CC2D1B: variants seen among roughly 807,000 people sequenced by gnomAD.
CC2D1B encodes coiled-coil and C2 domain containing 1B, also known as coiled-coil and C2 domain-containing protein 1B.
A neutral mutation model predicts 110.8 loss-of-function variants in CC2D1B; 92 were observed. That is an observed-to-expected ratio of 0.83 (90% CI 0.70 to 0.99). The LOEUF (loss-of-function observed/expected upper bound fraction) is 0.99. Ranked by LOEUF, CC2D1B falls within the 50% of genes least tolerant of loss-of-function variation. The pLI is 0.00. For synonymous variants in CC2D1B, 406 were observed against 429.2 expected (o/e 0.95, Z 0.67); for missense variants, 1,136 against 1,089.0 (o/e 1.04, Z -0.61).
At chr1:52,353,496 G>C (rs201374933) in intron 24 of CC2D1B, 22 bp downstream of exon 24, 648 of 1,595,566 alleles carry the variant, frequency 4.1e-4, no homozygotes, top group Non-Finnish European at 5.0e-4. Flanking sequence ...CAAAGGTTCT[G>C]AAGGCCCAGA....
Position 52,355,937 on chromosome 1 carries a change from G to A in CC2D1B, c.2055-93C>T, listed in dbSNP as rs1569835084. 16 of 1,292,830 alleles carry A rather than the reference G, an allele frequency of 1.2e-5. No homozygotes were observed. In the East Asian group the frequency reaches 3.7e-4, roughly 30 times the overall value. 80.1% of individuals were successfully genotyped at this position (1,292,830 alleles called of 1,614,324 possible). On this transcript the variant is annotated intron_variant, in intron 18 of 24. Transcript: ENST00000284376. ...CCAGGGCCTGTCTGCCCAGCTGGGTGGTGACGGGAGGGAAGGCAGAGCTGG... is the reference window on the plus strand; with the variant it reads ...CCAGGGCCTGTCTGCCCAGCTGGGTAGTGACGGGAGGGAAGGCAGAGCTGG...
chr1:52,356,811 G>A (rs891364825), intron 16 of CC2D1B, 190 bp downstream of exon 16: 2 of 641,368 alleles, frequency 3.1e-6, no homozygotes, highest in East Asian at 5.5e-5. Flanking sequence ...CCTGAAAGGG[G>A]TATTATCACC....
At position 52,358,675 on chromosome 1, in the gene CC2D1B, G is replaced by A. The variant is rs200853117; in HGVS notation, c.1330+11C>T. The A allele has an allele frequency of 1.5e-4, 238 of 1,612,522 alleles. No individual in the cohort carries two copies. Among genetic ancestry groups the A allele is most frequent in the Non-Finnish European group, 2.0e-4 (231 of 1,179,222 alleles). ...CCTCCTCACAGAGCCCCTAGGCCAT[G>A]CCCCACTTACCTGGAGGAACAGGCA... is the stretch of plus-strand genomic sequence containing the variant. On this transcript the variant is annotated intron_variant, in intron 12 of 24. Transcript: ENST00000284376.
chr1:52,356,085 A>AG, intron 18 of CC2D1B, 101 bp downstream of exon 18: 1 of 1,106,832 alleles, frequency 9.0e-7, no homozygotes, highest in South Asian at 1.4e-5. Flanking sequence ...CAGCGGGGCC[A>AG]GGCTTGGGAA....
At chr1:52,360,332 T>C in intron 6 of CC2D1B, 92 bp downstream of exon 6, 2 of 1,592,922 alleles carry the variant, frequency 1.3e-6, no homozygotes, top group Non-Finnish European at 1.7e-6. Context: ...CAAAGTCTGG[T>C]GGGGTGACCT....
At chr1:52,365,093 G>C (rs114493080) in intron 1 of CC2D1B, among the ~76,000 whole-genome samples, 79 of 152,360 alleles carry the variant, frequency 5.2e-4, no homozygotes, top group Non-Finnish European at 8.7e-4. Flanking sequence ...CACACACACA[G>C]AACATTTTCA....
rs1646665357 is a variant in CC2D1B at position 52,356,945 on chromosome 1, C to T, written c.1878+56G>A. 5 of 1,515,486 alleles carry T rather than the reference C, an allele frequency of 3.3e-6. No homozygotes were observed. In the South Asian group the frequency reaches 6.2e-5, roughly 19 times the overall value. 93.9% of individuals were successfully genotyped at this position (1,515,486 alleles called of 1,614,324 possible). On this transcript the variant is annotated intron_variant, in intron 16 of 24. Transcript: ENST00000284376. ...CTGTGTGGTCTGAGCTCCAGGTCTT[C>T]CTCCACGGGGAGGCTGTGGGCACAG... is the stretch of plus-strand genomic sequence containing the variant.
Position 52,350,675 on chromosome 1 carries a change from A to T in CC2D1B, c.*2550T>A, listed in dbSNP as rs2147885279. 6.6e-6 allele frequency: 1 copy of T among 152,318 alleles called. No individual in the cohort carries two copies. The highest frequency in any genetic ancestry group is 3.4e-3 in the Middle Eastern group (1 of 294). The allele number at this position is 152,318 out of a possible 1,614,324, so 9.4% of individuals were successfully genotyped here. The stretch of plus-strand genomic sequence containing the variant: ...ATTGCATGAGATCAAAGAATTGAAA[A>T]TTTTAAAATGATTTGGGTTGTAGCT... On this transcript the variant is annotated 3_prime_UTR_variant, in exon 25 of 25. Transcript: ENST00000284376.
intron 18 of CC2D1B, 71 bp downstream of exon 18, chr1:52,356,115 A>G: frequency 7.6e-7 from 1 of 1,324,206 alleles, no homozygotes; most frequent in Non-Finnish European, 1.1e-6. Flanking sequence ...AAGGGGTAGC[A>G]GTCTCTGGCC....
intron 12 of CC2D1B, 82 bp from the exon 13 acceptor site, chr1:52,358,543 G>A: frequency 6.2e-7 from 1 of 1,601,612 alleles, no homozygotes; most frequent in Non-Finnish European, 8.5e-7. Context: ...TCTGGGGCAT[G>A]GCTCTGCTGG....
At chr1:52,355,697 G>T in intron 19 of CC2D1B, 31 bp from the exon 20 acceptor site, 2 of 1,614,070 alleles carry the variant, frequency 1.2e-6, no homozygotes, top group Non-Finnish European at 1.7e-6. Flanking sequence ...TCAAGTCAGA[G>T]GGAGTGGCCA....
chr1:52,365,959 A>AC (rs1646872567), intron 1 of CC2D1B, 110 bp downstream of exon 1: 1 of 152,086 alleles, frequency 6.6e-6, no homozygotes, highest in Admixed American at 6.6e-5. Flanking sequence ...GCGACACGGG[A>AC]CCCCCACTCC....
At chr1:52,356,149 C>T in intron 18 of CC2D1B, 37 bp downstream of exon 18, 1 of 1,550,306 alleles carries the variant, frequency 6.5e-7, no homozygotes, top group Non-Finnish European at 8.9e-7. Context: ...TCCTGCCCCT[C>T]CCTGCCTGGA....
intron 17 of CC2D1B, 35 bp from the exon 18 acceptor site, chr1:52,356,337 T>G: frequency 6.2e-7 from 1 of 1,613,914 alleles, no homozygotes; most frequent in Non-Finnish European, 8.5e-7. Context: ...TGATGGTGGA[T>G]TTTCTGCTCC....
At position 52,357,579 on chromosome 1, in the gene CC2D1B, G is replaced by A; in HGVS notation, c.1699C>T (p.Leu567Phe). The A allele has an allele frequency of 6.3e-7, 1 of 1,585,348 alleles. No individual in the cohort carries two copies. Among genetic ancestry groups the A allele is most frequent in the Non-Finnish European group, 8.6e-7 (1 of 1,164,432 alleles). ...CGGGCCTGGATGATCTGAGCCTCAA[G>A]CCATTTGGCTACCCGCAGATAGGCT... ...AKAYLRVAKWLEAQIIQARSG... is the reference protein window; with the variant it reads ...AKAYLRVAKWFEAQIIQARSG... Residue 567 changes from leucine to phenylalanine, a missense_variant, in exon 15 of 25, where the codon CTT becomes TTT. Physicochemically the swap from Leu to Phe is conservative, Grantham distance 22. Transcript: ENST00000284376.
rs376510066 is a variant in CC2D1B at position 52,354,965 on chromosome 1, G to C, written c.2240-26C>G. On this transcript the variant is annotated intron_variant, in intron 21 of 24. Transcript: ENST00000284376. The stretch of plus-strand genomic sequence containing the variant: ...CTGGCAAAGGGGGAGAAAGCAAGGA[G>C]GGGCTTGGCTCTCGGGATTTCCTGA... The C allele has an allele frequency of 1.0e-5, 16 of 1,579,366 alleles. No homozygotes were observed. In the African/African-American group the frequency reaches 1.2e-4, roughly 12 times the overall value.
intron 3 of CC2D1B, among the ~76,000 whole-genome samples, chr1:52,362,272 C>G (rs752268554): frequency 3.3e-5 from 5 of 152,350 alleles, no homozygotes; most frequent in Middle Eastern, 3.4e-3. Flanking sequence ...ACTTAACTCG[C>G]TGGACACAAT....
chr1:52,358,517 G>T (rs1359604267), intron 12 of CC2D1B, 56 bp from the exon 13 acceptor site: 1 of 1,609,566 alleles, frequency 6.2e-7, no homozygotes, highest in African/African-American at 1.3e-5. Context: ...GAAGCACAAA[G>T]CTACCCGGGG....
rs775679325 is a variant in CC2D1B at position 52,355,614 on chromosome 1, AG to A, written c.2180del (p.Pro727LeufsTer14). On this transcript the variant is annotated frameshift_variant, in exon 20 of 25. Transcript: ENST00000284376. LOFTEE classifies it high-confidence loss of function. ...DAFVRFEFHY[P>X]NSDQAQKSKT... Reference sequence around the variant, plus strand: ...ACTTCTACCTGAACCTCACCGAGTTAGGGTAGTGAAACTCAAACCGCACAAA... The same window carrying A: ...ACTTCTACCTGAACCTCACCGAGTTAGGTAGTGAAACTCAAACCGCACAAA... 6.2e-6 allele frequency: 10 copies of A among 1,614,042 alleles called. No individual in the cohort carries two copies. The highest frequency in any genetic ancestry group is 8.5e-6 in the Non-Finnish European group (10 of 1,180,026).
Sources: allele counts gnomAD v4.1 joint callset (sites outside exome capture counted in the v4.1 genomes callset), GRCh38; gene constraint gnomAD v4.1.1; transcripts MANE v1.5; gene names NCBI Gene and HGNC (gene_info 2026-07-23, HGNC 2026-07-21).